POR: variants seen among roughly 807,000 people sequenced by gnomAD.
POR encodes NADPH--cytochrome P450 reductase.
Under a neutral mutation model 84.0 loss-of-function variants are expected in POR, and 56 were observed. The observed-to-expected ratio is 0.67, with a 90% CI of 0.54 to 0.83. The LOEUF is 0.83. Ranked by LOEUF, POR falls within the 40% of genes least tolerant of loss-of-function variation. The pLI is 0.00. For missense variants in POR, 938 were observed against 944.3 expected (o/e 0.99, Z 0.09); for synonymous variants, 414 against 400.5 (o/e 1.03, Z -0.40).
Position 75,980,350 on chromosome 7 carries a change from C to G in POR, c.378C>G (p.Ser126Arg), listed in dbSNP as rs2116587581. Reference sequence around the variant, plus strand: ...CCCTGTTTCTGCAGGCCGACCTGAGCAGCCTGCCAGAGATCGACAACGCCC... The same window carrying G: ...CCCTGTTTCTGCAGGCCGACCTGAGGAGCCTGCCAGAGATCGACAACGCCC... The change falls in exon 5 of 16, where the codon AGC (serine) becomes AGG (arginine). Residue 126 changes from serine (S) to arginine (R), a missense_variant. Physicochemically the swap from Ser to Arg is moderately radical, Grantham distance 110. Coordinates refer to ENST00000461988, the MANE Select transcript of POR (RefSeq NM_000941.3). The G allele has an allele frequency of 6.2e-7, 1 of 1,612,656 alleles. No individual in the cohort carries two copies. Among genetic ancestry groups the G allele is most frequent in the African/African-American group, 1.3e-5 (1 of 75,046 alleles).
rs544799417 is a variant in POR, at chr7:75,929,178, C to G, written c.-5+13999C>G. The stretch of plus-strand genomic sequence containing the variant: ...GTTCATGTTGTGGGTTTTTAGTAAC[C>G]CTACTGCCCACATTCTAGAATTTAA... On this transcript the variant is annotated intron_variant, in intron 1 of 15. Coordinates refer to ENST00000461988, the MANE Select transcript of POR (RefSeq NM_000941.3). Among the ~76,000 whole-genome samples the G allele has an allele frequency of 5.3e-5, 8 of 152,216 alleles. No homozygotes were observed. In the East Asian group the frequency reaches 1.5e-3, roughly 29 times the overall value.
intron 1 of POR, among the ~76,000 whole-genome samples, chr7:75,948,147 T>C (rs1787260758): frequency 6.6e-6 from 1 of 152,174 alleles, no homozygotes; most frequent in Non-Finnish European, 1.5e-5. Flanking sequence ...AAGCTGGGCC[T>C]GTTTCTCGTT....
At chr7:75,947,113 T>C (rs1484732487) in intron 1 of POR, 1 of 152,200 alleles carries the variant, frequency 6.6e-6, no homozygotes, top group Non-Finnish European at 1.5e-5. Flanking sequence ...AAGCTGGGTT[T>C]GCAGTGGTTG....
At chr7:75,953,185 G>A (rs1787527066) in intron 1 of POR, among the ~76,000 whole-genome samples, 2 of 152,094 alleles carry the variant, frequency 1.3e-5, no homozygotes, top group East Asian at 1.9e-4. Flanking sequence ...CAGGCGTGGC[G>A]GCGCGCGCCT....
chr7:75,976,218 T>G (rs1258485085), intron 3 of POR, among the ~76,000 whole-genome samples: 2 of 152,192 alleles, frequency 1.3e-5, no homozygotes, highest in African/African-American at 4.8e-5. Context: ...CTTTCTCTTC[T>G]ATTAAGTATT....
chr7:75,975,842 G>A (rs28535593), intron 3 of POR, among the ~76,000 whole-genome samples: 804 of 52,192 alleles, frequency 0.015, 7 homozygotes, highest in African/African-American at 0.048. Context: ...GGTAGAGACT[G>A]GGTCTCACTC....
intron 2 of POR, among the ~76,000 whole-genome samples, chr7:75,966,883 A>G (rs1788207298): frequency 6.6e-6 from 1 of 152,094 alleles, no homozygotes; most frequent in Admixed American, 6.5e-5. Context: ...GGAACCTTTC[A>G]TGCTCCGTTC....
At chr7:75,975,552 AT>A (rs1788643840) in intron 3 of POR, among the ~76,000 whole-genome samples, 1 of 152,098 alleles carries the variant, frequency 6.6e-6, no homozygotes, top group South Asian at 2.1e-4. Flanking sequence ...AAGTGGGAGG[AT>A]AGCTTGAGCT....
intron 1 of POR, among the ~76,000 whole-genome samples, chr7:75,940,986 C>T (rs1807953028): frequency 6.6e-6 from 1 of 152,084 alleles, no homozygotes; most frequent in Non-Finnish European, 1.5e-5. Flanking sequence ...CCAAGCGAGA[C>T]CCCATCTCTA....
rs1554558795 is a variant in POR, at chr7:75,984,888, C to T, written c.1178C>T (p.Ala393Val). 10 of 1,612,426 alleles carry T rather than the reference C, an allele frequency of 6.2e-6. No individual in the cohort carries two copies. The highest frequency in any genetic ancestry group is 2.2e-5 in the East Asian group (1 of 44,870). The stretch of plus-strand genomic sequence containing the variant: ...CGTACCAACGTGCTGTACGAGCTGG[C>T]GCAGTACGCCTCGGAGCCCTCGGAG... Residue 393 changes from alanine to valine, a missense_variant, in exon 11 of 16, where the codon GCG becomes GTG. Transcript: ENST00000461988.
chr7:75,977,837 A>G (rs76021834), intron 3 of POR, among the ~76,000 whole-genome samples: 42,413 of 152,188 alleles, frequency 0.28, 6,184 homozygotes, highest in South Asian at 0.4. Flanking sequence ...ACTGAAGACC[A>G]GGCACTGCAG....
At chr7:75,965,220 G>A (rs541415009) in intron 2 of POR, among the ~76,000 whole-genome samples, 4 of 152,276 alleles carry the variant, frequency 2.6e-5, no homozygotes, top group Admixed American at 2.6e-4. Context: ...ATTGACCAGG[G>A]CCGCTCGGCA....
chr7:75,936,972 G>A (rs1043024247), intron 1 of POR, among the ~76,000 whole-genome samples: 7 of 150,930 alleles, frequency 4.6e-5, no homozygotes, highest in African/African-American at 1.7e-4. Flanking sequence ...GATTACAGGC[G>A]CCCGCCACCA....
chr7:75,933,968 G>GTTT (rs782331445), intron 1 of POR, among the ~76,000 whole-genome samples: 1 of 141,372 alleles, frequency 7.1e-6, no homozygotes, highest in Non-Finnish European at 1.5e-5. Flanking sequence ...GGCAAGGACA[G>GTTT]TTTTTTTTTT....
chr7:75,980,720 A>T, intron 5 of POR: 1 of 1,509,906 alleles, frequency 6.6e-7, no homozygotes, highest in Non-Finnish European at 8.9e-7. Context: ...CTGGAGACTA[A>T]AGGCAAGAAA....
chr7:75,919,006 T>G (rs1443494098), intron 1 of POR, among the ~76,000 whole-genome samples: 2 of 150,810 alleles, frequency 1.3e-5, no homozygotes, highest in Non-Finnish European at 3.0e-5. Flanking sequence ...GTTGTGTGTT[T>G]TTTTTTTTTT....
intron 2 of POR, among the ~76,000 whole-genome samples, chr7:75,968,703 G>C (rs1788296872): frequency 6.6e-6 from 1 of 152,286 alleles, no homozygotes; most frequent in South Asian, 2.1e-4. Flanking sequence ...CCAGCTCCTT[G>C]GGTTCCCTTT....
At chr7:75,981,750 C>A in intron 7 of POR, 144 bp downstream of exon 7, 1 of 712,516 alleles carries the variant, frequency 1.4e-6, no homozygotes, top group Non-Finnish European at 2.3e-6. Context: ...TTGGTCCCAG[C>A]CAAGGACTCA....
intron 1 of POR, chr7:75,943,835 G>A: frequency 2.0e-6 from 1 of 511,698 alleles, no homozygotes; most frequent in South Asian, 1.4e-5. Context: ...CAAGATATGA[G>A]CGAATGCTAT....
Sources: gnomAD v4.1 joint callset for allele counts (sites outside exome capture counted in the v4.1 genomes callset) on GRCh38, gnomAD v4.1.1 for gene constraint, MANE v1.5 for transcripts, NCBI Gene and HGNC (gene_info 2026-07-23, HGNC 2026-07-21) for gene names.